Variants in CADM2 observed in about 807,000 individuals in gnomAD.
CADM2 encodes cell adhesion molecule 2.
Under a neutral mutation model 49.8 loss-of-function variants are expected in CADM2, and 12 were observed. That is an observed-to-expected ratio of 0.24 (90% CI 0.15 to 0.39). The LOEUF is 0.39. Ranked by LOEUF, CADM2 falls within the 10% of genes least tolerant of loss-of-function variation. The pLI is 1.00. For synonymous variants in CADM2, 214 were observed against 175.4 expected (o/e 1.22, Z -1.74); for missense variants, 378 against 492.3 (o/e 0.77, Z 2.20).
At chr3:85,922,206 TC>T (rs1214413178) in intron 6 of CADM2, among the ~76,000 whole-genome samples, 1 of 151,914 alleles carries the variant, frequency 6.6e-6, no homozygotes, top group Non-Finnish European at 1.5e-5. Context: ...TTCTCCTTCT[TC>T]CCCTTCTTTC....
At chr3:85,953,381 A>T (rs1410206138) in intron 7 of CADM2, among the ~76,000 whole-genome samples, 1 of 150,762 alleles carries the variant, frequency 6.6e-6, no homozygotes, top group Non-Finnish European at 1.5e-5. Flanking sequence ...CCCTATTCTC[A>T]CTTCTTTCCT....
intron 1 of CADM2, among the ~76,000 whole-genome samples, chr3:85,355,803 G>A (rs1193760274): frequency 2.6e-5 from 4 of 152,194 alleles, no homozygotes; most frequent in Admixed American, 2.0e-4. Context: ...GGTCTGTTGT[G>A]TTTGATGCAG....
intron 1 of CADM2, among the ~76,000 whole-genome samples, chr3:85,625,466 A>ATT (rs2064098169): frequency 6.6e-6 from 1 of 152,072 alleles, no homozygotes; most frequent in Non-Finnish European, 1.5e-5. Context: ...TTTACAATAA[A>ATT]TAGTTTTATT....
chr3:85,875,766 C>T (rs914388887), intron 3 of CADM2, among the ~76,000 whole-genome samples: 4 of 152,274 alleles, frequency 2.6e-5, no homozygotes, highest in Admixed American at 1.3e-4. Flanking sequence ...GAGAGCAAGC[C>T]TGTTGCAGAA....
At chr3:85,305,979 A>G (rs569006836) in intron 1 of CADM2, among the ~76,000 whole-genome samples, 50 of 151,820 alleles carry the variant, frequency 3.3e-4, no homozygotes, top group South Asian at 2.3e-3. Context: ...GCCAATCATG[A>G]CCAACACATT....
chr3:85,611,461 G>A (rs2063680706), intron 1 of CADM2, among the ~76,000 whole-genome samples: 1 of 151,876 alleles, frequency 6.6e-6, no homozygotes, highest in African/African-American at 2.4e-5. Context: ...TGTGAAAAGT[G>A]ATGTATAAAT....
intron 1 of CADM2, among the ~76,000 whole-genome samples, chr3:84,991,493 A>C (rs1407072893): frequency 6.6e-6 from 1 of 152,196 alleles, no homozygotes; most frequent in African/African-American, 2.4e-5. Flanking sequence ...AATCAATAAC[A>C]AATCCTAGGA....
At chr3:85,944,337 C>A (rs1365862319) in intron 7 of CADM2, among the ~76,000 whole-genome samples, 2 of 151,918 alleles carry the variant, frequency 1.3e-5, no homozygotes, top group Non-Finnish European at 2.9e-5. Context: ...GCTTTAACAC[C>A]CCACTGTCAA....
chr3:85,911,913 A>G lies in CADM2; in HGVS notation c.530-460A>G, dbSNP rs147678487. On this transcript the variant is annotated intron_variant, in intron 5 of 9. Coordinates refer to ENST00000383699, the MANE Select transcript of CADM2 (RefSeq NM_001167675.2). Reference sequence around the variant, plus strand: ...AATATTTCTGGATCTAGCTCTTAGAATTTTTTAATTTTTTTTATTATTTAT... The same window carrying G: ...AATATTTCTGGATCTAGCTCTTAGAGTTTTTTAATTTTTTTTATTATTTAT... Among the ~76,000 whole-genome samples, 845 of 147,676 alleles carry G rather than the reference A, an allele frequency of 5.7e-3. 28 individuals carry two copies. Among genetic ancestry groups the G allele is most frequent in the Admixed American group, 0.051 (740 of 14,446 alleles).
chr3:85,255,040 A>C (rs1185334737), intron 1 of CADM2, among the ~76,000 whole-genome samples: 11 of 152,114 alleles, frequency 7.2e-5, no homozygotes, highest in Non-Finnish European at 2.9e-5. Context: ...AATATATTAA[A>C]ACTCATAGTC....
At chr3:86,005,493 G>A (rs1249970968) in intron 8 of CADM2, among the ~76,000 whole-genome samples, 3 of 150,362 alleles carry the variant, frequency 2.0e-5, no homozygotes, top group Non-Finnish European at 3.0e-5. Flanking sequence ...AGAGATTGCC[G>A]TGAGCCGAGA....
At chr3:85,607,072 A>C (rs9812845) in intron 1 of CADM2, among the ~76,000 whole-genome samples, 31,451 of 152,044 alleles carry the variant, frequency 0.21, 3,629 homozygotes, top group South Asian at 0.28. Flanking sequence ...AGATGAAAAC[A>C]TTAAAATTTA....
chr3:85,674,475 A>G (rs1052489879), intron 1 of CADM2, among the ~76,000 whole-genome samples: 4 of 152,178 alleles, frequency 2.6e-5, no homozygotes, highest in Non-Finnish European at 5.9e-5. Context: ...AGTCACCAGG[A>G]ATATAAATAA....
At chr3:85,175,272 A>G (rs768099351) in intron 1 of CADM2, among the ~76,000 whole-genome samples, 12 of 152,182 alleles carry the variant, frequency 7.9e-5, no homozygotes, top group Non-Finnish European at 1.5e-4. Context: ...ATGTCAGTGC[A>G]TGCACCCCCC....
intron 1 of CADM2, among the ~76,000 whole-genome samples, chr3:85,087,037 TTGTACACATAAAACATAAAGATAAAA>T (rs1169684967): frequency 6.6e-6 from 1 of 152,130 alleles, no homozygotes; most frequent in Non-Finnish European, 1.5e-5. Context: ...GTTCTGTGGC[TTGTACACATAAAACATAAAGATAAAA>T]TTGGAATTCT....
At chr3:85,070,528 C>T (rs1057197884) in intron 1 of CADM2, among the ~76,000 whole-genome samples, 1 of 151,894 alleles carries the variant, frequency 6.6e-6, no homozygotes, top group Admixed American at 6.6e-5. Flanking sequence ...TTTCAGTTTT[C>T]AAATAAAAAA....
At chr3:85,875,386 T>A (rs1027758243) in intron 3 of CADM2, among the ~76,000 whole-genome samples, 3 of 152,140 alleles carry the variant, frequency 2.0e-5, no homozygotes, top group Admixed American at 6.5e-5. Flanking sequence ...TTTTGCAATA[T>A]CTAATGGCAT....
chr3:85,029,995 G>A (rs1206254119), intron 1 of CADM2, among the ~76,000 whole-genome samples: 1 of 152,078 alleles, frequency 6.6e-6, no homozygotes, highest in East Asian at 1.9e-4. Flanking sequence ...TCAATAAACC[G>A]CAGATGTCAA....
At chr3:85,810,199 A>G (rs1440176995) in intron 3 of CADM2, among the ~76,000 whole-genome samples, 2 of 152,124 alleles carry the variant, frequency 1.3e-5, no homozygotes, top group African/African-American at 4.8e-5. Flanking sequence ...GGATAGATGT[A>G]TGAAAATATG....
Sources: gnomAD v4.1 joint callset for allele counts (sites outside exome capture counted in the v4.1 genomes callset) on GRCh38, gnomAD v4.1.1 for gene constraint, MANE v1.5 for transcripts, NCBI Gene and HGNC (gene_info 2026-07-23, HGNC 2026-07-21) for gene names.